The following STK32B variants were observed in gnomAD, a reference collection of about 807,000 sequenced individuals.
STK32B encodes serine/threonine-protein kinase 32B.
Under a neutral mutation model 52.6 loss-of-function variants are expected in STK32B, and 43 were observed. The ratio of observed to expected loss-of-function variants is 0.82; its 90% CI spans 0.64 to 1.05. The LOEUF (loss-of-function observed/expected upper bound fraction) is 1.05. Ranked by LOEUF, STK32B falls within the 50% of genes least tolerant of loss-of-function variation. The probability of loss-of-function intolerance (pLI) is 0.00; values close to 1 mark genes in which losing one functional copy is unlikely to be tolerated. For missense variants in STK32B, 621 were observed against 534.6 expected (o/e 1.16, Z -1.59); for synonymous variants, 238 against 204.3 (o/e 1.17, Z -1.41).
intron 1 of STK32B, among the ~76,000 whole-genome samples, chr4:5,059,881 T>G (rs1472466955): frequency 5.9e-5 from 9 of 152,328 alleles, no homozygotes; most frequent in Non-Finnish European, 5.9e-5. Context: ...AATGGCTTTA[T>G]TAAGTTTTTG....
At chr4:5,069,285 C>G (rs1279617686) in intron 1 of STK32B, among the ~76,000 whole-genome samples, 1 of 151,186 alleles carries the variant, frequency 6.6e-6, no homozygotes, top group Non-Finnish European at 1.5e-5. Flanking sequence ...CTCCACCTCC[C>G]AGGTTCACAA....
At chr4:5,445,048 A>C (rs1039674990) in intron 6 of STK32B, among the ~76,000 whole-genome samples, 3 of 152,236 alleles carry the variant, frequency 2.0e-5, no homozygotes, top group African/African-American at 7.2e-5. Flanking sequence ...TGTAAGGTGC[A>C]TCTCAGCTTT....
chr4:5,198,088 T>C (rs148888977), intron 3 of STK32B, among the ~76,000 whole-genome samples: 1,889 of 152,330 alleles, frequency 0.012, 29 homozygotes, highest in Middle Eastern at 0.024. Flanking sequence ...GAACTGTTCT[T>C]ATTTCATCAG....
chr4:5,324,917 C>G (rs1378387599), intron 3 of STK32B, among the ~76,000 whole-genome samples: 1 of 152,236 alleles, frequency 6.6e-6, no homozygotes, highest in Non-Finnish European at 1.5e-5. Context: ...ACTTCTCCCA[C>G]TAAATCCTTG....
At chr4:5,130,765 G>A (rs567217763) in intron 1 of STK32B, among the ~76,000 whole-genome samples, 2 of 152,170 alleles carry the variant, frequency 1.3e-5, no homozygotes, top group Non-Finnish European at 2.9e-5. Flanking sequence ...CAATCCAGTG[G>A]GTTAATCCTT....
At chr4:5,302,403 T>C (rs1163692918) in intron 3 of STK32B, among the ~76,000 whole-genome samples, 1 of 152,086 alleles carries the variant, frequency 6.6e-6, no homozygotes, top group Non-Finnish European at 1.5e-5. Context: ...ACCCTAAAGT[T>C]ATAAAGATCT....
intron 3 of STK32B, among the ~76,000 whole-genome samples, chr4:5,291,371 T>C (rs1318153235): frequency 6.6e-6 from 1 of 152,162 alleles, no homozygotes; most frequent in Non-Finnish European, 1.5e-5. Flanking sequence ...AGTCTTGTAC[T>C]GCTTTCACCA....
At position 5,171,550 on chromosome 4, in the gene STK32B, T is replaced by C. The variant is rs1459786138; in HGVS notation, c.260+3100T>C. Among the ~76,000 whole-genome samples, 7 of 152,338 alleles carry C rather than the reference T, an allele frequency of 4.6e-5. 1 individual carries two copies. The highest frequency in any genetic ancestry group is 1.2e-4 in the African/African-American group (5 of 41,582). On this transcript the variant is annotated intron_variant, in intron 3 of 11. Coordinates refer to ENST00000282908, the MANE Select transcript of STK32B (RefSeq NM_018401.3). Reference sequence around the variant, plus strand: ...TGGCTAGCCAGTTTTCCCAGCACCATTTATTAAGTAGGGAATCCTTTCCCC... The same window carrying C: ...TGGCTAGCCAGTTTTCCCAGCACCACTTATTAAGTAGGGAATCCTTTCCCC...
intron 1 of STK32B, among the ~76,000 whole-genome samples, chr4:5,139,373 G>A (rs936813220): frequency 6.6e-6 from 1 of 152,186 alleles, no homozygotes; most frequent in African/African-American, 2.4e-5. Flanking sequence ...ACCTTGGAGA[G>A]CCACTGCCAA....
At position 5,205,175 on chromosome 4, in the gene STK32B, A is replaced by C. The variant is rs562860944; in HGVS notation, c.260+36725A>C. On this transcript the variant is annotated intron_variant, in intron 3 of 11. Transcript: ENST00000282908. ...TCCTCAGACCTTGGGACTGGGACTT[A>C]TATCATTGCCTCTCCTGGTCCTCAG... is the stretch of plus-strand genomic sequence containing the variant. Among the ~76,000 whole-genome samples, 10 of 151,424 alleles carry C rather than the reference A, an allele frequency of 6.6e-5. No homozygotes were observed. In the East Asian group the frequency reaches 1.9e-3, roughly 29 times the overall value.
At position 5,394,001 on chromosome 4, in the gene STK32B, G is replaced by A. The variant is rs1423335897; in HGVS notation, c.435-4206G>A. Among the ~76,000 whole-genome samples, 2 of 152,126 alleles carry A rather than the reference G, an allele frequency of 1.3e-5. No homozygotes were observed. The highest frequency in any genetic ancestry group is 2.9e-5 in the Non-Finnish European group (2 of 68,018). ...GTCTAGCTTTCCCCTCCAGGTTTTT[G>A]TATTTCTCTTTACTGCTGCATAAGA... is the stretch of plus-strand genomic sequence containing the variant. On this transcript the variant is annotated intron_variant, in intron 4 of 11. Transcript: ENST00000282908. The surrounding 1 kb of genome is among the most constrained non-coding windows in gnomAD (Gnocchi z 4.2).
chr4:5,469,070 A>G lies in STK32B; in HGVS notation c.1106+1000A>G, dbSNP rs989418711. 7.6e-6 allele frequency among the ~76,000 whole-genome samples: 1 copy of G among 132,250 alleles called. No homozygotes were observed. The highest frequency in any genetic ancestry group is 2.7e-5 in the African/African-American group (1 of 36,676). 86.8% of individuals were successfully genotyped at this position (132,250 alleles called of 152,430 possible). ...CGTCTCAAAAAAAAAAAAAAAAATT[A>G]TCTAGGGGATTTGTGGCTGTGGCTG... On this transcript the variant is annotated intron_variant, in intron 11 of 11. Coordinates refer to ENST00000282908, the MANE Select transcript of STK32B (RefSeq NM_018401.3). This position sits in a 1 kb window ranked among gnomAD's most constrained non-coding sequence, Gnocchi z 4.7.
chr4:5,387,504 A>G (rs195140), intron 4 of STK32B, among the ~76,000 whole-genome samples: 122,798 of 152,130 alleles, frequency 0.81, 50,448 homozygotes, highest in East Asian at 0.88. Context: ...CTTCTCAGAG[A>G]GAGTGATGCC....
chr4:5,324,573 C>T (rs1021428332), intron 3 of STK32B, among the ~76,000 whole-genome samples: 12 of 152,098 alleles, frequency 7.9e-5, no homozygotes, highest in African/African-American at 2.2e-4. Context: ...TGGTGGAGGC[C>T]GTCCTGTGCA....
intron 3 of STK32B, among the ~76,000 whole-genome samples, chr4:5,291,006 A>T (rs146272807): frequency 6.6e-6 from 1 of 152,114 alleles, no homozygotes; most frequent in Non-Finnish European, 1.5e-5. Flanking sequence ...TTCATCATAA[A>T]GATGTTTGTG....
intron 11 of STK32B, among the ~76,000 whole-genome samples, chr4:5,484,266 GT>G (rs1718965526): frequency 2.6e-5 from 4 of 152,152 alleles, no homozygotes; most frequent in Non-Finnish European, 5.9e-5. Context: ...ATGAATCTGG[GT>G]ACTCCTGTAT....
intron 3 of STK32B, among the ~76,000 whole-genome samples, chr4:5,232,434 T>G (rs532123003): frequency 4.6e-5 from 7 of 152,358 alleles, no homozygotes; most frequent in Admixed American, 4.6e-4. Flanking sequence ...AACTGTGATT[T>G]GTTTCTTTCA....
chr4:5,417,067 A>T (rs779945816), intron 6 of STK32B, 133 bp downstream of exon 6: 1 of 749,172 alleles, frequency 1.3e-6, no homozygotes, highest in Non-Finnish European at 2.1e-6. Context: ...CACAGTTCCC[A>T]GTAGATACAA....
intron 11 of STK32B, among the ~76,000 whole-genome samples, chr4:5,468,784 C>T (rs935197779): frequency 2.0e-5 from 3 of 152,056 alleles, no homozygotes; most frequent in African/African-American, 7.2e-5. Context: ...TAGAGGAGGC[C>T]GGGCGCGGTG....
Sources: allele counts gnomAD v4.1 joint callset (sites outside exome capture counted in the v4.1 genomes callset), GRCh38; gene constraint gnomAD v4.1.1; non-coding constraint Gnocchi (gnomAD v3.1); transcripts MANE v1.5; gene names NCBI Gene and HGNC (gene_info 2026-07-23, HGNC 2026-07-21).